Variants in ADORA2B observed in about 807,000 individuals in gnomAD.
The protein encoded by ADORA2B is adenosine receptor A2b.
ADORA2B carries 18 observed loss-of-function variants against 20.8 expected under a neutral mutation model. The observed-to-expected ratio is 0.87, with a 90% CI of 0.60 to 1.29. ADORA2B has a LOEUF of 1.29. ADORA2B is among the 50% of genes most tolerant of loss of function. The pLI, the probability that ADORA2B is intolerant of heterozygous loss-of-function variation, is 0.00. For synonymous variants in ADORA2B, 179 were observed against 178.3 expected, an observed-to-expected ratio of 1.00 and a Z score of -0.03; for missense variants, 441 against 422.7, an observed-to-expected ratio of 1.04 and a Z score of -0.38.
chr17:15,912,377 A>C, the ADORA2B span, among the ~76,000 whole-genome samples: 1 of 134,798 alleles, frequency 7.4e-6, no homozygotes, highest in Non-Finnish European at 1.6e-5. Context: ...GAGACCCTGT[A>C]TCAAATTAAA....
At chr17:15,896,309 G>A in the ADORA2B span, among the ~76,000 whole-genome samples, 2 of 152,088 alleles carry the variant, frequency 1.3e-5, no homozygotes, top group African/African-American at 2.4e-5. Flanking sequence ...CAAAAAAACT[G>A]TGTTTAAACA....
At chr17:15,950,835 C>T (rs1969891933) in intron 1 of ADORA2B, among the ~76,000 whole-genome samples, 2 of 152,192 alleles carry the variant, frequency 1.3e-5, no homozygotes, top group African/African-American at 4.8e-5. Flanking sequence ...GTCTTTGCAC[C>T]CCCGTTCCTC....
chr17:15,954,709 G>A (rs11868067), intron 1 of ADORA2B, among the ~76,000 whole-genome samples: 2 of 152,248 alleles, frequency 1.3e-5, no homozygotes, highest in Non-Finnish European at 2.9e-5. Context: ...TGAGGCTGCA[G>A]TGAGCTGCAT....
the ADORA2B span, among the ~76,000 whole-genome samples, chr17:15,866,974 AC>A: frequency 1.3e-5 from 2 of 152,128 alleles, no homozygotes; most frequent in African/African-American, 2.4e-5. Flanking sequence ...TTTGGTGGAG[AC>A]GGGGTTTCGA....
chr17:15,904,428 C>T, the ADORA2B span, among the ~76,000 whole-genome samples: 1 of 147,918 alleles, frequency 6.8e-6, no homozygotes, highest in Non-Finnish European at 1.5e-5. Flanking sequence ...GAGTCTCTCC[C>T]TGTTGCCCAG....
At chr17:15,864,698 G>T in the ADORA2B span, among the ~76,000 whole-genome samples, 1 of 152,110 alleles carries the variant, frequency 6.6e-6, no homozygotes, top group Non-Finnish European at 1.5e-5. Flanking sequence ...GCCATCTGGT[G>T]CTCTGGTTAG....
chr17:15,861,210 A>G, the ADORA2B span, among the ~76,000 whole-genome samples: 1 of 152,242 alleles, frequency 6.6e-6, no homozygotes, highest in Non-Finnish European at 1.5e-5. Context: ...AGAGCTGTAA[A>G]AAGACAATAC....
At chr17:15,899,656 C>T in the ADORA2B span, among the ~76,000 whole-genome samples, 3 of 151,998 alleles carry the variant, frequency 2.0e-5, no homozygotes, top group Admixed American at 2.0e-4. Context: ...CCATGACTAC[C>T]CAGTGTTTAG....
the ADORA2B span, among the ~76,000 whole-genome samples, chr17:15,923,837 A>T: frequency 6.6e-6 from 1 of 151,964 alleles, no homozygotes; most frequent in East Asian, 1.9e-4. Flanking sequence ...GCTTATGATG[A>T]TTTGTTTTTG....
the ADORA2B span, among the ~76,000 whole-genome samples, chr17:15,896,786 GGAA>G: frequency 1.3e-5 from 2 of 152,154 alleles, no homozygotes; most frequent in South Asian, 2.1e-4. Context: ...CTGCAGGGCA[GGAA>G]GAAGAAGAAG....
At chr17:15,851,612 C>T in the ADORA2B span, among the ~76,000 whole-genome samples, 9 of 152,316 alleles carry the variant, frequency 5.9e-5, no homozygotes, top group African/African-American at 2.2e-4. Flanking sequence ...GTACCTTCCA[C>T]GTCCTCTGAG....
chr17:15,861,912 T>A, the ADORA2B span, among the ~76,000 whole-genome samples: 3 of 152,224 alleles, frequency 2.0e-5, no homozygotes. Flanking sequence ...CTCCTCATCC[T>A]GATCTTCTAG....
chr17:15,970,471 T>C (rs574753201), intron 1 of ADORA2B, among the ~76,000 whole-genome samples: 6 of 152,312 alleles, frequency 3.9e-5, no homozygotes, highest in African/African-American at 1.4e-4. Flanking sequence ...TACAGGGTGC[T>C]GCAAATATAA....
the ADORA2B span, among the ~76,000 whole-genome samples, chr17:15,925,398 C>T: frequency 1.1e-4 from 17 of 152,236 alleles, no homozygotes; most frequent in East Asian, 1.2e-3. Context: ...ATCCTGCTAC[C>T]TCAGCCTCCC....
chr17:15,886,481 G>C, the ADORA2B span, among the ~76,000 whole-genome samples: 2 of 129,762 alleles, frequency 1.5e-5, 1 homozygote, highest in African/African-American at 6.6e-5. Flanking sequence ...CTCATGAGAA[G>C]GTGTCTCCGG....
chr17:15,924,014 G>A, the ADORA2B span, among the ~76,000 whole-genome samples: 3 of 152,142 alleles, frequency 2.0e-5, no homozygotes, highest in South Asian at 2.1e-4. Context: ...CCGGGAACAA[G>A]CCATTCTCCT....
the ADORA2B span, among the ~76,000 whole-genome samples, chr17:15,892,567 C>G: frequency 6.6e-6 from 1 of 152,176 alleles, no homozygotes; most frequent in Non-Finnish European, 1.5e-5. Context: ...TAGGCATGAG[C>G]CATGACGCCT....
At chr17:15,863,354 T>C in the ADORA2B span, among the ~76,000 whole-genome samples, 1 of 152,046 alleles carries the variant, frequency 6.6e-6, no homozygotes, top group African/African-American at 2.4e-5. Flanking sequence ...AATTTTTTTT[T>C]ATTTTTTAGA....
the ADORA2B span, among the ~76,000 whole-genome samples, chr17:15,907,075 T>A: frequency 6.6e-6 from 1 of 152,194 alleles, no homozygotes; most frequent in Non-Finnish European, 1.5e-5. Context: ...TGCCCAGTTC[T>A]TCATCACTTG....
Sources: gnomAD v4.1 joint callset for allele counts (sites outside exome capture counted in the v4.1 genomes callset) on GRCh38, gnomAD v4.1.1 for gene constraint, MANE v1.5 for transcripts, NCBI Gene and HGNC (gene_info 2026-07-23, HGNC 2026-07-21) for gene names.